ADPGK: variants seen among roughly 807,000 people sequenced by gnomAD.
ADPGK encodes the protein ADP-dependent glucokinase.
Under a neutral mutation model 42.4 loss-of-function variants are expected in ADPGK, and 26 were observed. The ratio of observed to expected loss-of-function variants is 0.61; its 90% confidence interval spans 0.45 to 0.85. The LOEUF (loss-of-function observed/expected upper bound fraction) is 0.85. Among genes scored for constraint, ADPGK ranks in the 40% least tolerant of loss-of-function variants. ADPGK has a pLI of 0.00. For synonymous variants in ADPGK, 267 were observed against 252.6 expected (o/e 1.06, Z -0.54); for missense variants, 571 against 627.0 (o/e 0.91, Z 0.95).
At chr15:72,753,848 G>GA (rs1406687482) in intron 6 of ADPGK, among the ~76,000 whole-genome samples, 1 of 152,112 alleles carries the variant, frequency 6.6e-6, no homozygotes, top group Non-Finnish European at 1.5e-5. Flanking sequence ...AAGGTGAGAA[G>GA]AAAAACCCAA....
intron 5 of ADPGK, chr15:72,755,865 G>A: frequency 1.5e-6 from 1 of 660,694 alleles, no homozygotes; most frequent in South Asian, 1.5e-5. Flanking sequence ...GAGCCATCAG[G>A]GATACAGAAT....
chr15:72,755,949 A>C, intron 5 of ADPGK: 1 of 651,532 alleles, frequency 1.5e-6, no homozygotes, highest in Non-Finnish European at 2.8e-6. Flanking sequence ...AAGTGAGATG[A>C]TACAAATAAC....
In ADPGK at chr15:72,753,454, C is replaced by G. The variant is rs114601872; in HGVS notation, c.940-559G>C. On this transcript the variant is annotated intron_variant, in intron 6 of 6. Transcript: ENST00000456471. ...AATAACACTGTAAGAAAAAGATTAC[C>G]AAACAGGTGCCCGTGTTTTCTGTCT... Among the ~76,000 whole-genome samples, 464 of 152,290 alleles carry G rather than the reference C, an allele frequency of 3.0e-3. 1 individual carries two copies. Among genetic ancestry groups the G allele is most frequent in the African/African-American group, 0.01 (431 of 41,562 alleles).
At chr15:72,776,591 T>C (rs2066395183) in intron 1 of ADPGK, among the ~76,000 whole-genome samples, 1 of 152,214 alleles carries the variant, frequency 6.6e-6, no homozygotes, top group Non-Finnish European at 1.5e-5. Flanking sequence ...TTACCAGGTA[T>C]ATTTCTACTT....
intron 3 of ADPGK, among the ~76,000 whole-genome samples, chr15:72,762,383 C>G (rs2066206235): frequency 1.3e-5 from 2 of 152,184 alleles, no homozygotes; most frequent in Admixed American, 6.5e-5. Flanking sequence ...CTTATATAGA[C>G]TGCTTTGTAC....
Position 72,763,468 on chromosome 15 carries a change from G to A in ADPGK, c.523-2941C>T, listed in dbSNP as rs941740502. ...TTCCAAAGTGCCGGATTACAGGCGT[G>A]AGCCACCATACCCAGCCAAAAATAT... On this transcript the variant is annotated intron_variant, in intron 3 of 6. Transcript: ENST00000456471. Among the ~76,000 whole-genome samples the A allele has an allele frequency of 2.6e-5, 4 of 152,116 alleles. No individual in the cohort carries two copies. In the South Asian group the frequency reaches 8.3e-4, roughly 32 times the overall value.
At chr15:72,763,318 ATTTTTTTTT>A (rs34099103) in intron 3 of ADPGK, among the ~76,000 whole-genome samples, 1 of 123,676 alleles carries the variant, frequency 8.1e-6, no homozygotes, top group Non-Finnish European at 1.6e-5. Context: ...CACTCGGCTA[ATTTTTTTTT>A]TTTTTTTTTT....
At chr15:72,755,739 G>A (rs894801512) in intron 5 of ADPGK, 85 bp from the exon 6 acceptor site, 6 of 1,050,286 alleles carry the variant, frequency 5.7e-6, no homozygotes, top group African/African-American at 1.6e-5. Context: ...CCTGAGAGGC[G>A]GTTCCTCCTG....
intron 3 of ADPGK, among the ~76,000 whole-genome samples, chr15:72,762,688 C>G (rs967610052): frequency 1.3e-5 from 2 of 152,136 alleles, no homozygotes; most frequent in African/African-American, 4.8e-5. Flanking sequence ...CCCTAAAAAA[C>G]AGGACTAAAC....
chr15:72,774,830 T>C (rs1351759987), intron 2 of ADPGK, 42 bp downstream of exon 2: 2 of 1,552,016 alleles, frequency 1.3e-6, no homozygotes, highest in Non-Finnish European at 1.8e-6. Flanking sequence ...TAAAAAGGCA[T>C]CTTTTTCCAC....
chr15:72,756,512 G>A, intron 4 of ADPGK, 65 bp from the exon 5 acceptor site: 1 of 1,537,412 alleles, frequency 6.5e-7, no homozygotes, highest in Non-Finnish European at 8.9e-7. Flanking sequence ...TAGCTGTGGG[G>A]GCACTTTCAG....
At chr15:72,778,005 T>C (rs1173637424) in intron 1 of ADPGK, among the ~76,000 whole-genome samples, 2 of 152,014 alleles carry the variant, frequency 1.3e-5, no homozygotes, top group African/African-American at 2.4e-5. Context: ...CCCCAGCACT[T>C]TGGGAGGCCA....
intron 3 of ADPGK, among the ~76,000 whole-genome samples, chr15:72,768,349 C>T (rs1000801273): frequency 6.6e-6 from 1 of 152,076 alleles, no homozygotes; most frequent in Non-Finnish European, 1.5e-5. Flanking sequence ...AAGGAAGATA[C>T]AATACCAATG....
At chr15:72,764,172 C>T (rs535982737) in intron 3 of ADPGK, among the ~76,000 whole-genome samples, 1 of 152,310 alleles carries the variant, frequency 6.6e-6, no homozygotes, top group South Asian at 2.1e-4. Context: ...AGCTTAGCGA[C>T]GAAGGCATGT....
chr15:72,769,728 A>T (rs560076423), intron 3 of ADPGK, among the ~76,000 whole-genome samples: 30 of 152,328 alleles, frequency 2.0e-4, no homozygotes, highest in African/African-American at 6.0e-4. Context: ...TATTTCAAAG[A>T]TGCAATATAG....
In ADPGK at chr15:72,780,300, G is replaced by A. The variant is rs557221888; in HGVS notation, c.233+3159C>T. 1.1e-3 allele frequency among the ~76,000 whole-genome samples: 175 copies of A among 152,226 alleles called. 2 individuals carry two copies. The highest frequency in any genetic ancestry group is 0.011 in the Admixed American group (167 of 15,296). ...TAAGGTGTCAGGAAGGAGCCGTGCC[G>A]AGTGAATAGCAGGGAAGAGCCCCTT... On this transcript the variant is annotated intron_variant, in intron 1 of 6. Transcript: ENST00000456471.
At chr15:72,753,627 T>G (rs2066075508) in intron 6 of ADPGK, among the ~76,000 whole-genome samples, 1 of 152,216 alleles carries the variant, frequency 6.6e-6, no homozygotes, top group African/African-American at 2.4e-5. Flanking sequence ...TTTTAAAAAT[T>G]TAATGGCCTA....
At position 72,752,251 on chromosome 15, in the gene ADPGK, T is replaced by C. The variant is rs1335581109; in HGVS notation, c.*90A>G. On this transcript the variant is annotated 3_prime_UTR_variant, in exon 7 of 7. Coordinates refer to ENST00000456471, the MANE Select transcript of ADPGK (RefSeq NM_001365225.1). ...CTGATACAGTTTAATCTGCTTTTAT[T>C]TCTTTGGCTGTCTTCCAAACCACTT... The C allele has an allele frequency of 1.6e-6, 2 of 1,282,660 alleles. No individual in the cohort carries two copies. Among genetic ancestry groups the C allele is most frequent in the African/African-American group, 3.0e-5 (2 of 66,722 alleles). 79.5% of individuals were successfully genotyped at this position (1,282,660 alleles called of 1,614,324 possible). A position where few individuals can be genotyped will look rare whatever the true frequency, so the allele number is the denominator to read the frequency against.
intron 3 of ADPGK, among the ~76,000 whole-genome samples, chr15:72,768,399 G>T (rs1235074441): frequency 6.6e-6 from 1 of 152,176 alleles, no homozygotes; most frequent in South Asian, 2.1e-4. Context: ...AAAGGGCCAG[G>T]TGTATTGGAT....
Sources: allele counts gnomAD v4.1 joint callset (sites outside exome capture counted in the v4.1 genomes callset), GRCh38; gene constraint gnomAD v4.1.1; transcripts MANE v1.5; gene names NCBI Gene and HGNC (gene_info 2026-07-23, HGNC 2026-07-21).